The following DCDC1 variants were observed in gnomAD, a reference collection of about 807,000 sequenced individuals.
The protein encoded by DCDC1 is doublecortin domain containing 1.
DCDC1 carries 200 observed loss-of-function variants against 178.3 expected under a neutral mutation model. The observed-to-expected ratio is 1.12, with a 90% CI of 1.00 to 1.26. DCDC1 has a LOEUF of 1.26. Ranked by LOEUF, DCDC1 falls within the 50% of genes most tolerant of loss-of-function variation. The pLI, the probability that DCDC1 is intolerant of heterozygous loss-of-function variation, is 0.00. For missense variants in DCDC1, 1,983 were observed against 1,749.2 expected (o/e 1.13, Z -2.38); for synonymous variants, 690 against 604.8 (o/e 1.14, Z -2.07).
intron 20 of DCDC1, among the ~76,000 whole-genome samples, chr11:31,014,000 TG>T (rs1180719858): frequency 6.6e-6 from 1 of 152,224 alleles, no homozygotes; most frequent in African/African-American, 2.4e-5. Flanking sequence ...TTTCCAACCT[TG>T]TCTAGTTCCC....
chr11:30,959,083 T>G (rs987135785), intron 20 of DCDC1, among the ~76,000 whole-genome samples: 1 of 152,102 alleles, frequency 6.6e-6, no homozygotes, highest in East Asian at 1.9e-4. Context: ...AAGAGAAATC[T>G]AAAATTGATG....
intron 20 of DCDC1, among the ~76,000 whole-genome samples, chr11:31,055,631 G>T (rs559563745): frequency 5.3e-5 from 8 of 152,150 alleles, no homozygotes; most frequent in Non-Finnish European, 1.0e-4. Flanking sequence ...AATGGATAAA[G>T]AAACTTTGGT....
At chr11:31,053,800 T>G (rs1448972977) in intron 20 of DCDC1, among the ~76,000 whole-genome samples, 1 of 152,100 alleles carries the variant, frequency 6.6e-6, no homozygotes, top group Admixed American at 6.6e-5. Context: ...CTCAGCAAAA[T>G]TGGCATATAA....
chr11:31,367,107 C>T (rs771283504), intron 1 of DCDC1, among the ~76,000 whole-genome samples: 1 of 152,094 alleles, frequency 6.6e-6, no homozygotes, highest in Non-Finnish European at 1.5e-5. Context: ...ACCAGCCTGG[C>T]CAACATGGTG....
intron 2 of DCDC1, among the ~76,000 whole-genome samples, chr11:31,331,771 T>A (rs1327055067): frequency 6.6e-6 from 1 of 152,172 alleles, no homozygotes; most frequent in Non-Finnish European, 1.5e-5. Context: ...GCTGCTGGAT[T>A]CGGTTTGCCA....
chr11:30,959,237 C>T (rs1233460406), intron 20 of DCDC1, among the ~76,000 whole-genome samples: 1 of 152,028 alleles, frequency 6.6e-6, no homozygotes, highest in Admixed American at 6.6e-5. Flanking sequence ...ACTATAACCC[C>T]AACCCCTTGA....
intron 20 of DCDC1, among the ~76,000 whole-genome samples, chr11:30,963,512 T>C (rs975485826): frequency 2.6e-5 from 4 of 152,084 alleles, no homozygotes; most frequent in East Asian, 1.9e-4. Flanking sequence ...TCTGGCCAGA[T>C]AGGTTGTGAG....
chr11:30,920,690 C>G, intron 25 of DCDC1, 86 bp downstream of exon 25: 1 of 1,500,372 alleles, frequency 6.7e-7, no homozygotes, highest in Non-Finnish European at 9.0e-7. Flanking sequence ...CATGAGCTCC[C>G]TGCATGGGCT....
At chr11:31,288,732 T>C (rs1419987596) in intron 7 of DCDC1, among the ~76,000 whole-genome samples, 1 of 151,924 alleles carries the variant, frequency 6.6e-6, no homozygotes, top group Non-Finnish European at 1.5e-5. Flanking sequence ...TGTTTTTTTC[T>C]TAAGACTATG....
At chr11:31,315,306 C>CTTTTA in intron 3 of DCDC1, among the ~76,000 whole-genome samples, 1 of 62,210 alleles carries the variant, frequency 1.6e-5, no homozygotes, top group South Asian at 9.7e-4. Context: ...TTTGCATACC[C>CTTTTA]TTTTTTTTTT....
chr11:31,194,562 T>G (rs1591367987), intron 9 of DCDC1, among the ~76,000 whole-genome samples: 1 of 152,120 alleles, frequency 6.6e-6, no homozygotes, highest in Non-Finnish European at 1.5e-5. Context: ...ACTCTACTTT[T>G]TAGTTAATTT....
At chr11:30,910,097 C>T (rs188957374) in intron 28 of DCDC1, among the ~76,000 whole-genome samples, 1 of 152,276 alleles carries the variant, frequency 6.6e-6, no homozygotes, top group East Asian at 1.9e-4. Context: ...GGTCTAGTAG[C>T]ATTAACCTGT....
At chr11:31,237,664 T>C (rs1976621666) in intron 9 of DCDC1, among the ~76,000 whole-genome samples, 1 of 151,994 alleles carries the variant, frequency 6.6e-6, no homozygotes, top group Non-Finnish European at 1.5e-5. Context: ...TTCCCACAAC[T>C]TCAGACATAA....
At chr11:30,881,433 G>A (rs1942658941) in intron 36 of DCDC1, 125 bp from the exon 37 acceptor site, 1 of 1,233,824 alleles carries the variant, frequency 8.1e-7, no homozygotes, top group Non-Finnish European at 1.1e-6. Flanking sequence ...ATAGTTGTTA[G>A]ACATTCGTAT....
At chr11:30,922,364 ATTTAG>A (rs764125710) in intron 24 of DCDC1, 134 bp downstream of exon 24, 36 of 966,320 alleles carry the variant, frequency 3.7e-5, no homozygotes, top group Non-Finnish European at 4.8e-5. Context: ...CAAACACATA[ATTTAG>A]TTTAAAGAGT....
chr11:30,995,367 A>G (rs1382551289), intron 20 of DCDC1, among the ~76,000 whole-genome samples: 1 of 152,150 alleles, frequency 6.6e-6, no homozygotes, highest in Non-Finnish European at 1.5e-5. Flanking sequence ...TGTAATTCCA[A>G]TAAAAATCCC....
At chr11:31,283,187 G>A (rs182974719) in intron 7 of DCDC1, among the ~76,000 whole-genome samples, 121 of 152,182 alleles carry the variant, frequency 8.0e-4, no homozygotes, top group African/African-American at 2.9e-3. Context: ...TCTTTCTAGG[G>A]CTCCAATTAT....
intron 9 of DCDC1, among the ~76,000 whole-genome samples, chr11:31,229,662 T>C (rs937770454): frequency 2.0e-5 from 3 of 152,080 alleles, no homozygotes; most frequent in Non-Finnish European, 4.4e-5. Flanking sequence ...AGGCCTCAGA[T>C]ATTAAGGGCC....
At chr11:31,343,972 C>A (rs1950684987) in intron 1 of DCDC1, among the ~76,000 whole-genome samples, 1 of 151,954 alleles carries the variant, frequency 6.6e-6, no homozygotes, top group African/African-American at 2.4e-5. Flanking sequence ...TTTCAAGATG[C>A]TTTCAGTAGG....
Sources: allele counts gnomAD v4.1 joint callset (sites outside exome capture counted in the v4.1 genomes callset), GRCh38; gene constraint gnomAD v4.1.1; transcripts MANE v1.5; gene names NCBI Gene and HGNC (gene_info 2026-07-23, HGNC 2026-07-21).